ACSM5: variants seen among roughly 807,000 people sequenced by gnomAD.
ACSM5 encodes acyl-coenzyme A synthetase ACSM5, mitochondrial.
ACSM5 carries 56 observed loss-of-function variants against 71.6 expected under a neutral mutation model. The observed-to-expected ratio is 0.78, with a 90% CI of 0.63 to 0.98. The LOEUF (loss-of-function observed/expected upper bound fraction) is 0.98. Among genes scored for constraint, ACSM5 ranks in the 50% least tolerant of loss-of-function variants. ACSM5 has a pLI of 0.00. For missense variants in ACSM5, 723 were observed against 726.0 expected (o/e 1.00, Z 0.05); for synonymous variants, 285 against 281.5 (o/e 1.01, Z -0.12).
chr16:20,430,551 G>C (rs56039235), intron 8 of ACSM5, among the ~76,000 whole-genome samples: 34,127 of 150,360 alleles, frequency 0.23, 4,507 homozygotes, highest in East Asian at 0.39. Flanking sequence ...AAAATAGGAA[G>C]AAAATGAAGA....
intron 9 of ACSM5, 23 bp from the exon 10 acceptor site, chr16:20,431,197 C>G: frequency 6.2e-7 from 1 of 1,608,908 alleles, no homozygotes. Flanking sequence ...ACGTATGCAC[C>G]TCTGTGATGA....
chr16:20,427,388 T>C (rs1967003911), intron 6 of ACSM5, among the ~76,000 whole-genome samples: 1 of 152,204 alleles, frequency 6.6e-6, no homozygotes, highest in African/African-American at 2.4e-5. Flanking sequence ...AGTCTCCAGT[T>C]TCTCACTGTG....
intron 5 of ACSM5, among the ~76,000 whole-genome samples, chr16:20,421,988 C>G (rs1966889644): frequency 6.6e-6 from 1 of 152,162 alleles, no homozygotes; most frequent in Admixed American, 6.6e-5. Flanking sequence ...TGGCTTCTTT[C>G]ACTTAGCATA....
chr16:20,427,798 A>G lies in ACSM5; in HGVS notation c.932A>G (p.Lys311Arg), dbSNP rs12921643. The G allele has an allele frequency of 2.5e-6, 4 of 1,613,402 alleles. No individual in the cohort carries two copies. Among genetic ancestry groups the G allele is most frequent in the South Asian group, 1.1e-5 (1 of 91,066 alleles). ...DAKVILNTLSKFPITTLCCVP... is the reference protein window; with the variant it reads ...DAKVILNTLSRFPITTLCCVP... ...TTTGTTTTTGTTTAGACTCTCTCCA[A>G]ATTCCCGATAACCACCCTCTGCTGT... is the stretch of plus-strand genomic sequence containing the variant. The change falls in exon 7 of 14, where the codon AAA becomes AGA. Residue 311 changes from lysine to arginine, a missense_variant. Coordinates refer to ENST00000331849, the MANE Select transcript of ACSM5 (RefSeq NM_017888.3).
chr16:20,424,643 C>T (rs1424965114), intron 6 of ACSM5, among the ~76,000 whole-genome samples: 6 of 152,204 alleles, frequency 3.9e-5, no homozygotes, highest in Non-Finnish European at 5.9e-5. Flanking sequence ...ACTGCATAGG[C>T]TGTGCCATCA....
chr16:20,429,214 C>G (rs995399939), intron 7 of ACSM5, among the ~76,000 whole-genome samples: 3 of 152,006 alleles, frequency 2.0e-5, no homozygotes, highest in African/African-American at 7.2e-5. Flanking sequence ...GGTTTTACCA[C>G]GTTGACCAGG....
intron 6 of ACSM5, 112 bp from the exon 7 acceptor site, chr16:20,427,676 G>C: frequency 1.3e-6 from 1 of 780,462 alleles, no homozygotes; most frequent in East Asian, 2.4e-5. Flanking sequence ...TCCACACATA[G>C]TTTTCAGCTT....
intron 5 of ACSM5, among the ~76,000 whole-genome samples, chr16:20,421,650 TATATATACAC>T (rs1216017224): frequency 0.01 from 1,003 of 96,560 alleles, 23 homozygotes; most frequent in African/African-American, 0.038. Flanking sequence ...TATATATATA[TATATATACAC>T]ACACACATAT....
chr16:20,427,919 C>T, intron 7 of ACSM5, 52 bp downstream of exon 7: 1 of 1,251,236 alleles, frequency 8.0e-7, no homozygotes, highest in Non-Finnish European at 1.2e-6. Context: ...GAATATATAG[C>T]ATGGGTATCC....
intron 6 of ACSM5, among the ~76,000 whole-genome samples, chr16:20,425,219 A>G (rs1476995377): frequency 2.0e-5 from 3 of 152,096 alleles, no homozygotes; most frequent in Non-Finnish European, 2.9e-5. Flanking sequence ...TGACTTTTAA[A>G]TCTCACAAAT....
chr16:20,437,948 C>T (rs1279772208), intron 12 of ACSM5, among the ~76,000 whole-genome samples: 11 of 152,098 alleles, frequency 7.2e-5, no homozygotes, highest in Admixed American at 6.6e-5. Flanking sequence ...CCAGCACCCC[C>T]CCCAGTAGCT....
At chr16:20,434,051 T>A in intron 10 of ACSM5, among the ~76,000 whole-genome samples, 1 of 152,284 alleles carries the variant, frequency 6.6e-6, no homozygotes, top group South Asian at 2.1e-4. Context: ...TCCTCCTTGG[T>A]TGTAGCTTAT....
Position 20,441,232 on chromosome 16 carries a change from TG to T in ACSM5, c.*807del, listed in dbSNP as rs1967329160. 1 of 152,186 alleles carries T rather than the reference TG, an allele frequency of 6.6e-6. No individual in the cohort carries two copies. Among genetic ancestry groups the T allele is most frequent in the African/African-American group, 2.4e-5 (1 of 41,448 alleles). 9.4% of individuals were successfully genotyped at this position (152,186 alleles called of 1,614,324 possible). On this transcript the variant is annotated 3_prime_UTR_variant, in exon 14 of 14. Transcript: ENST00000331849. ...GGAGGGAGGGAGAGAAAATAATGGA[TG>T]GTAGTTTTTCTTCTTCCTTTTTCCA...
In ACSM5 at chr16:20,418,264, G is replaced by C. The variant is rs142598719; in HGVS notation, c.410G>C (p.Arg137Pro). ...EWWLVSVACM[R>P]TGTVMIPGVT... ...TGGCTGGTCAGTGTGGCTTGCATGC[G>C]GACAGGTCAGTAAGCAGGGCTGGGA... The change falls in exon 3 of 14, where the codon CGG (arginine) becomes CCG (proline). Residue 137 changes from arginine to proline, a missense_variant. By Grantham distance (103) the Arg-to-Pro change is moderately radical. Transcript: ENST00000331849. The C allele has an allele frequency of 2.3e-4, 378 of 1,609,636 alleles. 2 individuals are homozygous for C. The African/African-American group carries it at 4.4e-3, about 19-fold the overall frequency.
chr16:20,417,753 A>G (rs764697542), intron 2 of ACSM5, among the ~76,000 whole-genome samples: 12 of 152,234 alleles, frequency 7.9e-5, no homozygotes, highest in South Asian at 4.1e-4. Context: ...AGTGTTAATC[A>G]TGTGCTACCT....
intron 12 of ACSM5, among the ~76,000 whole-genome samples, chr16:20,438,514 G>A (rs1967248243): frequency 6.6e-6 from 1 of 151,782 alleles, no homozygotes; most frequent in Admixed American, 6.6e-5. Flanking sequence ...AGGGAGGTGT[G>A]GAGTCCCATT....
chr16:20,436,049 T>A (rs900632871), intron 10 of ACSM5, among the ~76,000 whole-genome samples: 7 of 151,032 alleles, frequency 4.6e-5, no homozygotes, highest in African/African-American at 1.7e-4. Context: ...TTCTTTCTCT[T>A]TCTTTCTCTT....
Position 20,424,839 on chromosome 16 carries a change from C to G in ACSM5, c.921+770C>G, listed in dbSNP as rs549071539. On this transcript the variant is annotated intron_variant, in intron 6 of 13. Coordinates refer to ENST00000331849, the MANE Select transcript of ACSM5 (RefSeq NM_017888.3). ...CAAAGGGGCCAGCACATCATAGGTT[C>G]TTTTTTGAAATAATTTTTAATTTTT... Among the ~76,000 whole-genome samples the G allele has an allele frequency of 6.6e-5, 10 of 152,244 alleles. No individual in the cohort carries two copies. The East Asian group carries it at 1.9e-3, about 29-fold the overall frequency.
chr16:20,418,283 G>A lies in ACSM5; in HGVS notation c.415+14G>A. 1 of 1,599,320 alleles carries A rather than the reference G, an allele frequency of 6.3e-7. No individual in the cohort carries two copies. Among genetic ancestry groups the A allele is most frequent in the Admixed American group, 1.7e-5 (1 of 59,160 alleles). ...GCATGCGGACAGGTCAGTAAGCAGG[G>A]CTGGGAATTTTAGTTGGGGGCAGAC... On this transcript the variant is annotated intron_variant, in intron 3 of 13. Coordinates refer to ENST00000331849, the MANE Select transcript of ACSM5 (RefSeq NM_017888.3).
Sources: allele counts gnomAD v4.1 joint callset (sites outside exome capture counted in the v4.1 genomes callset), GRCh38; gene constraint gnomAD v4.1.1; transcripts MANE v1.5; gene names NCBI Gene and HGNC (gene_info 2026-07-23, HGNC 2026-07-21).